CYFIP2: variants seen among roughly 807,000 people sequenced by gnomAD.
The protein encoded by CYFIP2 is cytoplasmic FMR1-interacting protein 2.
In CYFIP2, 29 loss-of-function variants were observed where a neutral mutation model predicts 158.7. The observed-to-expected ratio is 0.18, with a 90% CI of 0.14 to 0.25. The LOEUF is 0.25. CYFIP2 is among the 10% of genes least tolerant of loss of function. The probability of loss-of-function intolerance (pLI) is 1.00; values close to 1 mark genes in which losing one functional copy is unlikely to be tolerated. For missense variants in CYFIP2, 852 were observed against 1,639.5 expected, an observed-to-expected ratio of 0.52 and a Z score of 8.29; for synonymous variants, 585 against 617.6, an observed-to-expected ratio of 0.95 and a Z score of 0.78.
At chr5:157,370,154 CAGG>C (rs1764860609) in intron 26 of CYFIP2, among the ~76,000 whole-genome samples, 1 of 152,164 alleles carries the variant, frequency 6.6e-6, no homozygotes, top group Non-Finnish European at 1.5e-5. Flanking sequence ...GCTGGGATTA[CAGG>C]CATGAGCTAC....
intron 26 of CYFIP2, chr5:157,363,324 C>T (rs1056501736): frequency 1.3e-5 from 2 of 152,234 alleles, no homozygotes; most frequent in Non-Finnish European, 2.9e-5. Context: ...CAGCAAGAGG[C>T]GTGGCGAGCC....
intron 23 of CYFIP2, among the ~76,000 whole-genome samples, chr5:157,356,087 A>G (rs1229242246): frequency 3.3e-5 from 5 of 152,340 alleles, no homozygotes; most frequent in African/African-American, 9.6e-5. Context: ...TCAGCCTGCT[A>G]TAACAAGAAT....
rs1483891387 is a variant in CYFIP2, at chr5:157,285,351, A to C, written c.-11A>C. The C allele has an allele frequency of 6.4e-7, 1 of 1,556,972 alleles. No individual in the cohort carries two copies. The highest frequency in any genetic ancestry group is 8.7e-7 in the Non-Finnish European group (1 of 1,149,922). On this transcript the variant is annotated 5_prime_UTR_variant, in exon 2 of 31. Transcript: ENST00000620254. ...TCCTTCCCTTCAGTGCAGAATACAGAAACTGCAGCCATGACCACGCACGTC... is the reference window on the plus strand; with the variant it reads ...TCCTTCCCTTCAGTGCAGAATACAGCAACTGCAGCCATGACCACGCACGTC...
intron 17 of CYFIP2, 31 bp downstream of exon 17, chr5:157,325,669 T>G (rs1435518168): frequency 6.4e-7 from 1 of 1,567,082 alleles, no homozygotes; most frequent in Non-Finnish European, 8.7e-7. Flanking sequence ...AGCAAGTGGC[T>G]CCTGGGGTAC....
intron 1 of CYFIP2, among the ~76,000 whole-genome samples, chr5:157,278,280 G>A (rs768969055): frequency 9.2e-5 from 14 of 152,032 alleles, no homozygotes; most frequent in African/African-American, 1.2e-4. Flanking sequence ...AGCGCCATAC[G>A]GACATGGAAA....
intron 23 of CYFIP2, chr5:157,343,582 T>C: frequency 6.9e-7 from 1 of 1,447,452 alleles, no homozygotes; most frequent in Non-Finnish European, 9.4e-7. Flanking sequence ...CATCCCCTGA[T>C]TTAAGTATGT....
intron 3 of CYFIP2, among the ~76,000 whole-genome samples, chr5:157,288,906 T>C (rs1757606644): frequency 6.6e-6 from 1 of 152,188 alleles, no homozygotes; most frequent in African/African-American, 2.4e-5. Context: ...CAGAGAAAGC[T>C]TGATGTAGGA....
intron 15 of CYFIP2, among the ~76,000 whole-genome samples, chr5:157,321,933 G>A (rs73815831): frequency 1.3e-5 from 2 of 152,214 alleles, no homozygotes; most frequent in Admixed American, 1.3e-4. Context: ...AAGTGTTTCT[G>A]TAAATTTTAA....
intron 30 of CYFIP2, 116 bp downstream of exon 30, chr5:157,390,784 T>G: frequency 6.8e-7 from 1 of 1,479,790 alleles, no homozygotes; most frequent in Non-Finnish European, 9.1e-7. Context: ...ACACGGCAAG[T>G]ACAAAGATAC....
chr5:157,296,123 A>G (rs1359285099), intron 4 of CYFIP2, among the ~76,000 whole-genome samples: 1 of 152,206 alleles, frequency 6.6e-6, no homozygotes, highest in Admixed American at 6.5e-5. Flanking sequence ...GAGAAAAAGG[A>G]AGGAGGGTTC....
At chr5:157,355,808 G>A (rs1482159585) in intron 23 of CYFIP2, among the ~76,000 whole-genome samples, 1 of 152,196 alleles carries the variant, frequency 6.6e-6, no homozygotes, top group African/African-American at 2.4e-5. Flanking sequence ...TCCCTGGTGT[G>A]GGTGGAGAAT....
At position 157,364,027 on chromosome 5, in the gene CYFIP2, A is replaced by G. The variant is rs927526339; in HGVS notation, c.3039+2429A>G. 3.3e-5 allele frequency: 5 copies of G among 152,006 alleles called. No individual in the cohort carries two copies. The South Asian group carries it at 8.3e-4, about 25-fold the overall frequency. The allele number at this position is 152,006 out of a possible 1,614,324, so 9.4% of individuals were successfully genotyped here. ...GTTTGCGCTTCCTCTATAAGGAGTA[A>G]TTGCTTCTCTGTTACCCCTTAAATG... On this transcript the variant is annotated intron_variant, in intron 26 of 30. Coordinates refer to ENST00000620254, the MANE Select transcript of CYFIP2 (RefSeq NM_001037333.3).
At chr5:157,274,476 G>T (rs1478667964) in intron 1 of CYFIP2, among the ~76,000 whole-genome samples, 1 of 152,104 alleles carries the variant, frequency 6.6e-6, no homozygotes, top group Non-Finnish European at 1.5e-5. Flanking sequence ...TTATTTATCA[G>T]TTGATGCATA....
intron 1 of CYFIP2, among the ~76,000 whole-genome samples, chr5:157,279,012 G>A (rs1756779407): frequency 6.6e-6 from 1 of 152,134 alleles, no homozygotes; most frequent in African/African-American, 2.4e-5. Context: ...TTTTGCTATT[G>A]CCCAGTGGGA....
At chr5:157,280,363 ATT>A (rs57893061) in intron 1 of CYFIP2, among the ~76,000 whole-genome samples, 14 of 133,194 alleles carry the variant, frequency 1.1e-4, no homozygotes, top group East Asian at 2.2e-4. Flanking sequence ...CGCCTGGCTA[ATT>A]TTTTTTTTTT....
intron 19 of CYFIP2, among the ~76,000 whole-genome samples, chr5:157,328,860 C>G (rs183954674): frequency 6.6e-6 from 1 of 152,164 alleles, no homozygotes; most frequent in Non-Finnish European, 1.5e-5. Flanking sequence ...TTTAGAGGCT[C>G]CTTGGTATTG....
intron 26 of CYFIP2, chr5:157,362,714 CAT>C: frequency 6.6e-6 from 1 of 152,320 alleles, no homozygotes; most frequent in East Asian, 1.9e-4. Flanking sequence ...ACACCGAAAT[CAT>C]GTGTCTACTG....
chr5:157,382,790 C>A, intron 27 of CYFIP2, 128 bp downstream of exon 27: 2 of 937,034 alleles, frequency 2.1e-6, no homozygotes, highest in Non-Finnish European at 3.2e-6. Flanking sequence ...TATTGAATAG[C>A]CACAGAATCA....
At chr5:157,327,629 G>C (rs1761129405) in intron 18 of CYFIP2, among the ~76,000 whole-genome samples, 1 of 152,136 alleles carries the variant, frequency 6.6e-6, no homozygotes, top group African/African-American at 2.4e-5. Context: ...TGAAGAGATG[G>C]ATGGGGAGGC....
Sources: gnomAD v4.1 joint callset for allele counts (sites outside exome capture counted in the v4.1 genomes callset) on GRCh38, gnomAD v4.1.1 for gene constraint, MANE v1.5 for transcripts, NCBI Gene and HGNC (gene_info 2026-07-23, HGNC 2026-07-21) for gene names.